GAP43: variants seen among roughly 807,000 people sequenced by gnomAD.
The protein encoded by GAP43 is growth associated protein 43, also known as neuromodulin.
In GAP43, 6 loss-of-function variants were observed where a neutral mutation model predicts 18.6. The ratio of observed to expected loss-of-function variants is 0.32; its 90% CI spans 0.18 to 0.64. The LOEUF is 0.64. Ranked by LOEUF, GAP43 falls within the 30% of genes least tolerant of loss-of-function variation. GAP43 has a pLI of 0.78. For missense variants in GAP43, 292 were observed against 295.5 expected (o/e 0.99, Z 0.09); for synonymous variants, 115 against 111.4 (o/e 1.03, Z -0.20).
At chr3:115,656,717 T>C (rs754126370) in intron 1 of GAP43, among the ~76,000 whole-genome samples, 1 of 152,126 alleles carries the variant, frequency 6.6e-6, no homozygotes, top group African/African-American at 2.4e-5. Flanking sequence ...AATTTCCTAG[T>C]AAAAAATGGA....
At chr3:115,660,737 T>C (rs919873391) in intron 1 of GAP43, among the ~76,000 whole-genome samples, 21 of 152,208 alleles carry the variant, frequency 1.4e-4, no homozygotes, top group African/African-American at 3.9e-4. Context: ...AATGGAGATA[T>C]TGGTTCAGTG....
intron 2 of GAP43, among the ~76,000 whole-genome samples, chr3:115,713,082 CAG>C (rs1349035341): frequency 6.6e-6 from 1 of 152,098 alleles, no homozygotes; most frequent in Non-Finnish European, 1.5e-5. Context: ...AGCCATGATC[CAG>C]GCTCCAGATG....
intron 2 of GAP43, among the ~76,000 whole-genome samples, chr3:115,717,282 T>C (rs1010589967): frequency 3.3e-5 from 5 of 151,624 alleles, no homozygotes; most frequent in Non-Finnish European, 7.4e-5. Context: ...GGTCCACTCA[T>C]TTCTAACATT....
intron 1 of GAP43, among the ~76,000 whole-genome samples, chr3:115,646,210 G>T (rs752913373): frequency 1.3e-5 from 2 of 152,098 alleles, no homozygotes; most frequent in African/African-American, 2.4e-5. Flanking sequence ...CCACCAATCT[G>T]TCCAACATTT....
At chr3:115,690,705 C>G (rs1325262448) in intron 2 of GAP43, among the ~76,000 whole-genome samples, 1 of 150,648 alleles carries the variant, frequency 6.6e-6, no homozygotes, top group African/African-American at 2.4e-5. Context: ...ATACTCTCCT[C>G]TCCCCATATG....
At chr3:115,681,340 C>T (rs770874425) in intron 2 of GAP43, among the ~76,000 whole-genome samples, 74 of 152,194 alleles carry the variant, frequency 4.9e-4, no homozygotes, top group Non-Finnish European at 5.3e-4. Flanking sequence ...TCTAAATCCT[C>T]ACCTTAACTG....
intron 2 of GAP43, among the ~76,000 whole-genome samples, chr3:115,707,998 CACACACACACACACACATATATATAT>C (rs1340831605): frequency 1.1e-5 from 1 of 91,784 alleles, no homozygotes; most frequent in Non-Finnish European, 2.5e-5. Flanking sequence ...GATACACACA[CACACACACACACACACATATATATAT>C]ACACACACAC....
chr3:115,707,874 TTTGA>T (rs1484454095), intron 2 of GAP43, among the ~76,000 whole-genome samples: 1 of 152,110 alleles, frequency 6.6e-6, no homozygotes, highest in Non-Finnish European at 1.5e-5. Flanking sequence ...TGCTATTTCC[TTTGA>T]TCATGGTAAC....
chr3:115,704,804 T>C (rs1709340522), intron 2 of GAP43, among the ~76,000 whole-genome samples: 1 of 152,108 alleles, frequency 6.6e-6, no homozygotes, highest in African/African-American at 2.4e-5. Flanking sequence ...TGTGTGTCTT[T>C]GGACAAGTCA....
At chr3:115,716,717 AATAT>A (rs3995850) in intron 2 of GAP43, among the ~76,000 whole-genome samples, 2,081 of 43,624 alleles carry the variant, frequency 0.048, 41 homozygotes, top group Non-Finnish European at 0.064. Context: ...ATCTCAGACA[AATAT>A]ATATATATAT....
chr3:115,663,762 A>G, intron 1 of GAP43: 1 of 1,551,594 alleles, frequency 6.4e-7, no homozygotes, highest in Non-Finnish European at 8.7e-7. Flanking sequence ...CTAGGCCAGC[A>G]TTGGCAGACA....
intron 1 of GAP43, among the ~76,000 whole-genome samples, chr3:115,631,262 T>A (rs182596282): frequency 6.6e-6 from 1 of 152,294 alleles, no homozygotes; most frequent in Admixed American, 6.5e-5. Flanking sequence ...AATAAATCCT[T>A]TCCCTGGGTT....
intron 2 of GAP43, among the ~76,000 whole-genome samples, chr3:115,702,005 A>G (rs1223676810): frequency 6.6e-6 from 1 of 152,062 alleles, no homozygotes; most frequent in East Asian, 1.9e-4. Context: ...CATTTGGGAG[A>G]GAGGGTTTTA....
intron 2 of GAP43, among the ~76,000 whole-genome samples, chr3:115,698,068 A>C (rs1279191474): frequency 1.6e-5 from 1 of 62,978 alleles, no homozygotes; most frequent in Non-Finnish European, 2.8e-5. Context: ...AATATATATT[A>C]TATATAATAT....
At position 115,623,601 on chromosome 3, in the gene GAP43, C is replaced by T; in HGVS notation, c.-89C>T. 1.3e-6 allele frequency: 2 copies of T among 1,539,398 alleles called. No homozygotes were observed. The highest frequency in any genetic ancestry group is 1.8e-6 in the Non-Finnish European group (2 of 1,117,696). ...TAGCGCGAGAGAGCGAGTGAGCAAG[C>T]GAGCAGAAAAGAGGTGGAGAGGGGG... is the stretch of plus-strand genomic sequence containing the variant. On this transcript the variant is annotated 5_prime_UTR_variant, in exon 1 of 3. Coordinates refer to ENST00000305124, the MANE Select transcript of GAP43 (RefSeq NM_002045.4).
At chr3:115,719,611 T>C (rs1261938410) in intron 2 of GAP43, among the ~76,000 whole-genome samples, 1 of 152,264 alleles carries the variant, frequency 6.6e-6, no homozygotes, top group African/African-American at 2.4e-5. Context: ...AAGCACATCC[T>C]GGGTGACTCC....
chr3:115,719,090 C>A (rs1488631093), intron 2 of GAP43, among the ~76,000 whole-genome samples: 1 of 152,178 alleles, frequency 6.6e-6, no homozygotes, highest in African/African-American at 2.4e-5. Context: ...TGCTCAAGTG[C>A]TTTCAAGCTA....
chr3:115,649,003 T>C (rs1708492845), intron 1 of GAP43, among the ~76,000 whole-genome samples: 2 of 152,174 alleles, frequency 1.3e-5, no homozygotes, highest in South Asian at 4.2e-4. Context: ...TAGAAGAAGG[T>C]TGAAGTAGAA....
intron 2 of GAP43, among the ~76,000 whole-genome samples, chr3:115,703,145 T>C (rs1170400934): frequency 6.6e-6 from 1 of 152,026 alleles, no homozygotes; most frequent in Non-Finnish European, 1.5e-5. Flanking sequence ...ATTGGGAATA[T>C]GTATATTTAT....
Sources: gnomAD v4.1 joint callset for allele counts (sites outside exome capture counted in the v4.1 genomes callset) on GRCh38, gnomAD v4.1.1 for gene constraint, MANE v1.5 for transcripts, NCBI Gene and HGNC (gene_info 2026-07-23, HGNC 2026-07-21) for gene names.